CDKAL1: variants seen among roughly 807,000 people sequenced by gnomAD.
CDKAL1 encodes the protein CDKAL1 threonylcarbamoyladenosine tRNA methylthiotransferase.
Under a neutral mutation model 68.2 loss-of-function variants are expected in CDKAL1, and 32 were observed. The ratio of observed to expected loss-of-function variants is 0.47; its 90% CI spans 0.35 to 0.63. The LOEUF (loss-of-function observed/expected upper bound fraction) is 0.63. Ranked by LOEUF, CDKAL1 falls within the 30% of genes least tolerant of loss-of-function variation. The probability of loss-of-function intolerance (pLI) is 0.00; values close to 1 mark genes in which losing one functional copy is unlikely to be tolerated. For missense variants in CDKAL1, 606 were observed against 696.7 expected, an observed-to-expected ratio of 0.87 and a Z score of 1.47; for synonymous variants, 234 against 244.3, an observed-to-expected ratio of 0.96 and a Z score of 0.39.
chr6:21,155,708 T>A (rs1418175091), intron 13 of CDKAL1, among the ~76,000 whole-genome samples: 2 of 152,208 alleles, frequency 1.3e-5, no homozygotes, highest in Non-Finnish European at 2.9e-5. Context: ...ATTCATTATG[T>A]TCAAGAGACC....
At chr6:20,748,623 T>C (rs965012142) in intron 6 of CDKAL1, among the ~76,000 whole-genome samples, 17 of 126,510 alleles carry the variant, frequency 1.3e-4, no homozygotes, top group Non-Finnish European at 2.8e-4. Context: ...AGTATGGTAC[T>C]GGCATAAAAA....
intron 13 of CDKAL1, among the ~76,000 whole-genome samples, chr6:21,195,574 G>A (rs1445081630): frequency 6.6e-6 from 1 of 151,252 alleles, no homozygotes; most frequent in Non-Finnish European, 1.5e-5. Flanking sequence ...GCAGTAGAAT[G>A]ATCACAACTC....
At chr6:20,946,722 G>A (rs543668134) in intron 9 of CDKAL1, among the ~76,000 whole-genome samples, 2 of 150,038 alleles carry the variant, frequency 1.3e-5, no homozygotes, top group South Asian at 2.1e-4. Context: ...TCAGCCTCCC[G>A]AGTAGCTGGG....
chr6:20,893,867 C>T (rs1348206828), intron 9 of CDKAL1, among the ~76,000 whole-genome samples: 1 of 152,026 alleles, frequency 6.6e-6, no homozygotes, highest in Admixed American at 6.5e-5. Context: ...TGATGATGAT[C>T]ATGAGTAATT....
chr6:20,803,610 A>T (rs1190119769), intron 8 of CDKAL1, among the ~76,000 whole-genome samples: 1 of 152,180 alleles, frequency 6.6e-6, no homozygotes, highest in African/African-American at 2.4e-5. Context: ...TTTAGGTTAA[A>T]TGCAGATTGA....
chr6:20,592,403 T>C (rs1441300908), intron 4 of CDKAL1, among the ~76,000 whole-genome samples: 1 of 152,106 alleles, frequency 6.6e-6, no homozygotes, highest in Non-Finnish European at 1.5e-5. Flanking sequence ...TGTTACTATG[T>C]TGAATAGGAG....
intron 7 of CDKAL1, among the ~76,000 whole-genome samples, chr6:20,770,940 T>C (rs544123519): frequency 2.0e-5 from 3 of 152,010 alleles, no homozygotes; most frequent in South Asian, 2.1e-4. Context: ...CCTGGGAGAG[T>C]TGACCACTCC....
At chr6:20,959,198 T>C (rs773780832) in intron 10 of CDKAL1, among the ~76,000 whole-genome samples, 20 of 152,174 alleles carry the variant, frequency 1.3e-4, no homozygotes, top group Non-Finnish European at 2.6e-4. Flanking sequence ...AAGTGTGTGT[T>C]TGGGACATCT....
chr6:20,886,188 C>T (rs188349067), intron 9 of CDKAL1, among the ~76,000 whole-genome samples: 1 of 152,188 alleles, frequency 6.6e-6, no homozygotes, highest in African/African-American at 2.4e-5. Flanking sequence ...AAATCAAAAC[C>T]CTTCAGACTT....
intron 11 of CDKAL1, among the ~76,000 whole-genome samples, chr6:21,003,129 C>T (rs1187354930): frequency 6.6e-6 from 1 of 151,378 alleles, no homozygotes. Flanking sequence ...TGCCATTTAG[C>T]GAAAAAGAGT....
intron 7 of CDKAL1, among the ~76,000 whole-genome samples, chr6:20,759,045 T>A (rs9356751): frequency 0.96 from 145,890 of 152,142 alleles, 69,961 homozygotes; most frequent in East Asian, 1. Flanking sequence ...AAGTTGAAGC[T>A]GGAGGATCAT....
intron 15 of CDKAL1, among the ~76,000 whole-genome samples, chr6:21,206,242 C>G (rs1778930922): frequency 6.6e-6 from 1 of 151,816 alleles, no homozygotes; most frequent in Non-Finnish European, 1.5e-5. Flanking sequence ...CCAGAGTAAA[C>G]TTACACTGGA....
At chr6:20,896,066 G>T (rs1761663770) in intron 9 of CDKAL1, among the ~76,000 whole-genome samples, 1 of 144,392 alleles carries the variant, frequency 6.9e-6, no homozygotes, top group Non-Finnish European at 1.5e-5. Context: ...GATTGGAAAT[G>T]GCTTCTTTTT....
intron 4 of CDKAL1, among the ~76,000 whole-genome samples, chr6:20,595,392 A>G (rs1765777427): frequency 6.6e-6 from 1 of 151,634 alleles, no homozygotes; most frequent in South Asian, 2.1e-4. Flanking sequence ...TTTCTCTAAT[A>G]ATGGGTTATT....
intron 11 of CDKAL1, among the ~76,000 whole-genome samples, chr6:21,048,841 A>G (rs1206233093): frequency 2.0e-5 from 3 of 151,966 alleles, no homozygotes; most frequent in Non-Finnish European, 4.4e-5. Context: ...ATTTTAAAAG[A>G]TTTAAGAAAC....
At chr6:20,702,896 A>G (rs557206081) in intron 5 of CDKAL1, among the ~76,000 whole-genome samples, 49 of 151,612 alleles carry the variant, frequency 3.2e-4, no homozygotes, top group Non-Finnish European at 6.9e-4. Context: ...CTTCTTTATC[A>G]TTTGAAGGGA....
intron 12 of CDKAL1, among the ~76,000 whole-genome samples, chr6:21,068,173 T>G (rs1771564234): frequency 6.6e-6 from 1 of 152,184 alleles, no homozygotes. Context: ...ACCTACCTTT[T>G]CTCTTCATGG....
At chr6:20,878,194 C>T (rs557824203) in intron 9 of CDKAL1, among the ~76,000 whole-genome samples, 1 of 152,168 alleles carries the variant, frequency 6.6e-6, no homozygotes, top group Admixed American at 6.5e-5. Context: ...TATCTGTATA[C>T]CATTAAGTGT....
chr6:21,230,049 G>T (rs1431791904), intron 15 of CDKAL1, among the ~76,000 whole-genome samples: 6 of 152,250 alleles, frequency 3.9e-5, no homozygotes, highest in Non-Finnish European at 8.8e-5. Flanking sequence ...GGGACTGAGT[G>T]TGGGGTTATG....
Sources: allele counts gnomAD v4.1 joint callset (sites outside exome capture counted in the v4.1 genomes callset), GRCh38; gene constraint gnomAD v4.1.1; transcripts MANE v1.5; gene names NCBI Gene and HGNC (gene_info 2026-07-23, HGNC 2026-07-21).